KCNMA1: variants seen among roughly 807,000 people sequenced by gnomAD.
KCNMA1 encodes Calcium-activated potassium channel subunit alpha-1.
Under a neutral mutation model 140.0 loss-of-function variants are expected in KCNMA1, and 29 were observed. The ratio of observed to expected loss-of-function variants is 0.21; its 90% confidence interval spans 0.15 to 0.28. KCNMA1 has a LOEUF of 0.28. KCNMA1 is among the 10% of genes least tolerant of loss of function. The pLI is 1.00. For missense variants in KCNMA1, 880 were observed against 1,602.2 expected (o/e 0.55, Z 7.70); for synonymous variants, 612 against 611.9 (o/e 1.00, Z 0.00).
At chr10:77,478,523 T>C (rs906320720) in intron 1 of KCNMA1, among the ~76,000 whole-genome samples, 1 of 152,164 alleles carries the variant, frequency 6.6e-6, no homozygotes, top group Non-Finnish European at 1.5e-5. Flanking sequence ...AGAGGCAGCT[T>C]AGAAACCATC....
At chr10:77,627,298 A>G (rs928281221) in intron 1 of KCNMA1, among the ~76,000 whole-genome samples, 3 of 152,164 alleles carry the variant, frequency 2.0e-5, no homozygotes, top group African/African-American at 7.2e-5. Context: ...AGGGCCCCCA[A>G]ATTACAACCC....
intron 2 of KCNMA1, among the ~76,000 whole-genome samples, chr10:77,355,430 G>A (rs2093391161): frequency 1.3e-5 from 2 of 152,138 alleles, no homozygotes; most frequent in Non-Finnish European, 2.9e-5. Flanking sequence ...GTTCAGGGAT[G>A]GGCATGTGAC....
At chr10:77,615,004 C>G (rs557609003) in intron 1 of KCNMA1, among the ~76,000 whole-genome samples, 1 of 152,172 alleles carries the variant, frequency 6.6e-6, no homozygotes, top group African/African-American at 2.4e-5. Context: ...ACTTGGTGTA[C>G]AGAAAGATGT....
chr10:77,059,063 C>T (rs2095645301), intron 14 of KCNMA1, among the ~76,000 whole-genome samples: 1 of 151,758 alleles, frequency 6.6e-6, no homozygotes, highest in South Asian at 2.1e-4. Context: ...TAATGGGATA[C>T]TATGAATAAC....
At chr10:77,549,629 G>A (rs2062265623) in intron 1 of KCNMA1, among the ~76,000 whole-genome samples, 1 of 152,242 alleles carries the variant, frequency 6.6e-6, no homozygotes, top group South Asian at 2.1e-4. Flanking sequence ...GATGAGCTAT[G>A]CCCTACAGGG....
intron 1 of KCNMA1, among the ~76,000 whole-genome samples, chr10:77,631,411 G>A (rs78263320): frequency 3.9e-5 from 6 of 152,312 alleles, no homozygotes; most frequent in East Asian, 3.9e-4. Flanking sequence ...TTCCCCACAC[G>A]GCCCAGGGCC....
chr10:77,347,369 G>A (rs933917500), intron 2 of KCNMA1, among the ~76,000 whole-genome samples: 15 of 152,322 alleles, frequency 9.8e-5, no homozygotes, highest in African/African-American at 3.4e-4. Flanking sequence ...AGGCAAGGAG[G>A]TAGAGACGAG....
At chr10:77,047,845 T>C (rs920801733) in intron 14 of KCNMA1, among the ~76,000 whole-genome samples, 3 of 152,136 alleles carry the variant, frequency 2.0e-5, no homozygotes, top group African/African-American at 7.2e-5. Context: ...AGTAAATGTT[T>C]TCAGTCAGAC....
chr10:77,406,912 G>A (rs537783322), intron 1 of KCNMA1, among the ~76,000 whole-genome samples: 4 of 152,278 alleles, frequency 2.6e-5, no homozygotes, highest in African/African-American at 9.6e-5. Context: ...CCCCTTGGTA[G>A]ACCCTGGAGA....
intron 5 of KCNMA1, among the ~76,000 whole-genome samples, chr10:77,163,853 C>T (rs1168036600): frequency 6.6e-6 from 1 of 152,170 alleles, no homozygotes; most frequent in Non-Finnish European, 1.5e-5. Context: ...TGACCTGTGA[C>T]ATGTGTCTTC....
At position 77,010,296 on chromosome 10, in the gene KCNMA1, C is replaced by T. The variant is rs1019140662; in HGVS notation, c.2092+1671G>A. 2.6e-5 allele frequency among the ~76,000 whole-genome samples: 4 copies of T among 152,084 alleles called. No homozygotes were observed. In the South Asian group the frequency reaches 6.2e-4, roughly 24 times the overall value. On this transcript the variant is annotated intron_variant, in intron 18 of 27. Coordinates refer to ENST00000286628, the MANE Select transcript of KCNMA1 (RefSeq NM_001161352.2). ...TCAGGAGATGTCTGGTCAACTCATC[C>T]GTGCTGCTGTGTCCACAACCAACTA...
chr10:77,366,727 T>G (rs1237740571), intron 2 of KCNMA1, among the ~76,000 whole-genome samples: 1 of 152,164 alleles, frequency 6.6e-6, no homozygotes, highest in Admixed American at 6.5e-5. Context: ...CACACACATG[T>G]TCTTTACAAA....
At chr10:77,405,597 T>TC (rs2096445245) in intron 1 of KCNMA1, among the ~76,000 whole-genome samples, 2 of 151,688 alleles carry the variant, frequency 1.3e-5, no homozygotes, top group African/African-American at 4.8e-5. Context: ...ACTAAAACCT[T>TC]ATTATTTATC....
intron 1 of KCNMA1, among the ~76,000 whole-genome samples, chr10:77,419,280 A>T (rs1024705358): frequency 6.6e-6 from 1 of 152,238 alleles, no homozygotes; most frequent in Admixed American, 6.5e-5. Context: ...AGAGCGCTGC[A>T]GGCATCAACT....
intron 1 of KCNMA1, among the ~76,000 whole-genome samples, chr10:77,478,859 G>A (rs2098330624): frequency 6.6e-6 from 1 of 152,178 alleles, no homozygotes; most frequent in African/African-American, 2.4e-5. Context: ...AAAGGAGTGA[G>A]CATCCATATA....
chr10:77,125,066 T>C (rs372557252), intron 5 of KCNMA1, among the ~76,000 whole-genome samples: 6 of 152,126 alleles, frequency 3.9e-5, no homozygotes, highest in African/African-American at 1.4e-4. Flanking sequence ...AACAGCAGCA[T>C]GGGGGTAACT....
intron 2 of KCNMA1, among the ~76,000 whole-genome samples, chr10:77,362,214 C>T (rs1448259495): frequency 6.6e-6 from 1 of 152,174 alleles, no homozygotes; most frequent in Non-Finnish European, 1.5e-5. Flanking sequence ...GGCCCACTGA[C>T]AGGCCAGAGG....
chr10:77,438,990 G>A (rs1416958584), intron 1 of KCNMA1, among the ~76,000 whole-genome samples: 1 of 151,176 alleles, frequency 6.6e-6, no homozygotes, highest in Non-Finnish European at 1.5e-5. Context: ...ACAGGAGAAT[G>A]ACTTGAACCC....
At chr10:77,041,629 G>C (rs1009139159) in intron 14 of KCNMA1, among the ~76,000 whole-genome samples, 8 of 152,176 alleles carry the variant, frequency 5.3e-5, no homozygotes, top group Non-Finnish European at 1.0e-4. Flanking sequence ...TTTAGAAACT[G>C]GTGAATTACA....
Sources: allele counts gnomAD v4.1 joint callset (sites outside exome capture counted in the v4.1 genomes callset), GRCh38; gene constraint gnomAD v4.1.1; transcripts MANE v1.5; gene names NCBI Gene and HGNC (gene_info 2026-07-23, HGNC 2026-07-21).